Variants in IL1RAPL2 observed in about 807,000 individuals in gnomAD.
IL1RAPL2 encodes X-linked interleukin-1 receptor accessory protein-like 2.
A neutral mutation model predicts 44.1 loss-of-function variants in IL1RAPL2; 3 were observed. The ratio of observed to expected loss-of-function variants is 0.07; its 90% CI spans 0.03 to 0.18. The LOEUF is 0.18. IL1RAPL2 is among the 10% of genes least tolerant of loss of function. IL1RAPL2 has a pLI of 1.00. For missense variants in IL1RAPL2, 391 were observed against 496.4 expected, an observed-to-expected ratio of 0.79 and a Z score of 2.02; for synonymous variants, 181 against 178.8, an observed-to-expected ratio of 1.01 and a Z score of -0.10.
chrX:105,145,180 G>T (rs2033168559), intron 2 of IL1RAPL2, among the ~76,000 whole-genome samples: 1 of 112,017 alleles, frequency 8.9e-6, no homozygotes, highest in Admixed American at 9.5e-5. Flanking sequence ...GTCTCCTGAA[G>T]CCAGAAGATC....
At chrX:104,842,544 T>C (rs1444605166) in intron 2 of IL1RAPL2, among the ~76,000 whole-genome samples, 1 of 112,227 alleles carries the variant, frequency 8.9e-6, no homozygotes, top group Admixed American at 9.4e-5. Flanking sequence ...CATTTGATCT[T>C]GAGGCTGATG....
chrX:105,482,290 A>G (rs1309237730), intron 5 of IL1RAPL2, among the ~76,000 whole-genome samples: 2 of 111,985 alleles, frequency 1.8e-5, no homozygotes, highest in East Asian at 5.6e-4. Context: ...AAATTCAAAC[A>G]TATTCATTTT....
chrX:105,128,432 C>T (rs1205910474), intron 2 of IL1RAPL2, among the ~76,000 whole-genome samples: 1 of 111,000 alleles, frequency 9.0e-6, no homozygotes. Flanking sequence ...TAAGCATACA[C>T]AGGAAATTTT....
intron 3 of IL1RAPL2, among the ~76,000 whole-genome samples, chrX:105,202,773 T>G (rs1227903821): frequency 9.0e-6 from 1 of 111,710 alleles, no homozygotes; most frequent in African/African-American, 3.3e-5. Context: ...CTTACTCGCT[T>G]GTGAAAACCA....
At chrX:104,855,226 A>G in intron 2 of IL1RAPL2, among the ~76,000 whole-genome samples, 1 of 112,111 alleles carries the variant, frequency 8.9e-6, no homozygotes, top group East Asian at 2.8e-4. Context: ...TAAAGTTTGG[A>G]CATGGGTCCA....
At chrX:104,802,790 A>G in intron 2 of IL1RAPL2, among the ~76,000 whole-genome samples, 1 of 111,467 alleles carries the variant, frequency 9.0e-6, no homozygotes, top group Non-Finnish European at 1.9e-5. Flanking sequence ...CAAAAGTTTG[A>G]CTTTACAGTC....
intron 2 of IL1RAPL2, among the ~76,000 whole-genome samples, chrX:104,694,885 C>T (rs1265544474): frequency 8.9e-6 from 1 of 112,119 alleles, no homozygotes; most frequent in Non-Finnish European, 1.9e-5. Flanking sequence ...GATTCTGCCA[C>T]GCAGTGACCA....
At chrX:104,671,179 TACAC>T (rs763809458) in intron 2 of IL1RAPL2, among the ~76,000 whole-genome samples, 5 of 109,096 alleles carry the variant, frequency 4.6e-5, no homozygotes, top group African/African-American at 1.7e-4. Flanking sequence ...TGCATGTGTA[TACAC>T]ACACACACAC....
chrX:105,407,446 T>C (rs1182490099), intron 5 of IL1RAPL2, among the ~76,000 whole-genome samples: 3 of 111,720 alleles, frequency 2.7e-5, no homozygotes, highest in Non-Finnish European at 5.6e-5. Flanking sequence ...TGCAATTATA[T>C]TTATTGAATA....
intron 2 of IL1RAPL2, among the ~76,000 whole-genome samples, chrX:105,046,455 TCA>T (rs2031838103): frequency 9.0e-6 from 1 of 111,560 alleles, no homozygotes. Flanking sequence ...CTGAAAAACA[TCA>T]GTTACCAGTG....
chrX:104,879,003 C>A (rs757634364), intron 2 of IL1RAPL2, among the ~76,000 whole-genome samples: 2 of 110,691 alleles, frequency 1.8e-5, no homozygotes, highest in Admixed American at 1.9e-4. Flanking sequence ...ACCGAGCCAA[C>A]CTCAGTTAAT....
intron 2 of IL1RAPL2, among the ~76,000 whole-genome samples, chrX:104,761,982 T>C (rs189946537): frequency 1.3e-3 from 115 of 85,395 alleles, no homozygotes; most frequent in Middle Eastern, 5.7e-3. Context: ...CTTCTTCTTC[T>C]TCCTCCTCCT....
intron 7 of IL1RAPL2, among the ~76,000 whole-genome samples, chrX:105,729,817 GA>G (rs2038385680): frequency 1.0e-5 from 1 of 99,330 alleles, no homozygotes; most frequent in Non-Finnish European, 2.0e-5. Context: ...TACCAGTACA[GA>G]AAACAGAAAA....
chrX:104,862,072 A>G (rs1286303816), intron 2 of IL1RAPL2, among the ~76,000 whole-genome samples: 1 of 111,111 alleles, frequency 9.0e-6, no homozygotes, highest in Non-Finnish European at 1.9e-5. Context: ...GCATGAAATG[A>G]CAAGGTACAA....
At chrX:105,042,127 G>A (rs1290888271) in intron 2 of IL1RAPL2, among the ~76,000 whole-genome samples, 1 of 111,140 alleles carries the variant, frequency 9.0e-6, no homozygotes, top group African/African-American at 3.3e-5. Flanking sequence ...AAAAACCCTA[G>A]AAGAAAACCT....
intron 2 of IL1RAPL2, among the ~76,000 whole-genome samples, chrX:104,693,110 T>C (rs2147547237): frequency 8.9e-6 from 1 of 112,045 alleles, no homozygotes; most frequent in African/African-American, 3.2e-5. Context: ...GAAAGAAAAA[T>C]GTAGGGTGTA....
intron 2 of IL1RAPL2, among the ~76,000 whole-genome samples, chrX:104,674,700 G>T (rs1930705142): frequency 9.1e-6 from 1 of 109,909 alleles, no homozygotes; most frequent in Admixed American, 9.7e-5. Flanking sequence ...ACCTCTGGTA[G>T]AATTCGGCTG....
intron 2 of IL1RAPL2, among the ~76,000 whole-genome samples, chrX:105,153,551 G>A (rs954553638): frequency 3.6e-5 from 4 of 111,989 alleles, no homozygotes; most frequent in African/African-American, 1.3e-4. Context: ...GCCCATGACA[G>A]CCTCAGGAGG....
intron 2 of IL1RAPL2, among the ~76,000 whole-genome samples, chrX:105,025,632 CTT>C (rs1035564452): frequency 9.0e-6 from 1 of 111,081 alleles, no homozygotes; most frequent in African/African-American, 3.3e-5. Context: ...CAACATAAAA[CTT>C]ATTATGTTAC....
Sources: gnomAD v4.1 joint callset for allele counts (sites outside exome capture counted in the v4.1 genomes callset) on GRCh38, gnomAD v4.1.1 for gene constraint, MANE v1.5 for transcripts, NCBI Gene and HGNC (gene_info 2026-07-23, HGNC 2026-07-21) for gene names.